TRPM3: variants seen among roughly 807,000 people sequenced by gnomAD.
TRPM3 encodes the protein long transient receptor potential channel 3.
A neutral mutation model predicts 181.2 loss-of-function variants in TRPM3; 77 were observed. The observed-to-expected ratio is 0.42, with a 90% CI of 0.35 to 0.51. TRPM3 has a LOEUF of 0.51. Ranked by LOEUF, TRPM3 falls within the 20% of genes least tolerant of loss-of-function variation. TRPM3 has a pLI of 0.01. For missense variants in TRPM3, 1,759 were observed against 2,196.7 expected (o/e 0.80, Z 3.98); for synonymous variants, 745 against 796.4 (o/e 0.94, Z 1.09).
At chr9:70,564,032 G>C (rs533533970) in intron 22 of TRPM3, among the ~76,000 whole-genome samples, 2 of 152,246 alleles carry the variant, frequency 1.3e-5, no homozygotes, top group East Asian at 3.9e-4. Flanking sequence ...ACTTCAGAAG[G>C]AATCAGTTTC....
intron 1 of TRPM3, among the ~76,000 whole-genome samples, chr9:71,128,995 G>A (rs1355882745): frequency 6.6e-6 from 1 of 152,182 alleles, no homozygotes; most frequent in African/African-American, 2.4e-5. Context: ...TGGACCATAA[G>A]GTCCGCTCAC....
chr9:71,346,337 G>A (rs2091292434), intron 1 of TRPM3, among the ~76,000 whole-genome samples: 1 of 152,254 alleles, frequency 6.6e-6, no homozygotes, highest in East Asian at 1.9e-4. Context: ...TTCTTGTTAT[G>A]CTCATTTTTA....
At chr9:70,624,080 C>T (rs11142514) in intron 14 of TRPM3, among the ~76,000 whole-genome samples, 1 of 152,020 alleles carries the variant, frequency 6.6e-6, no homozygotes, top group Non-Finnish European at 1.5e-5. Flanking sequence ...GTACTCCCCC[C>T]ACCTCCACCA....
At position 70,639,867 on chromosome 9, in the gene TRPM3, AG is replaced by A. The variant is rs527272642; in HGVS notation, c.1447-674del. Among the ~76,000 whole-genome samples, 53 of 152,266 alleles carry A rather than the reference AG, an allele frequency of 3.5e-4. 2 individuals carry two copies. In the South Asian group the frequency reaches 0.011, roughly 30 times the overall value. ...TGAATGAAGACAGGGGCTCCATCCC[AG>A]GCAGAAACTCTCTAGGGGAAAGGAA... On this transcript the variant is annotated intron_variant, in intron 10 of 25. Transcript: ENST00000677713.
At chr9:70,695,894 T>C (rs934465320) in intron 8 of TRPM3, among the ~76,000 whole-genome samples, 1 of 152,200 alleles carries the variant, frequency 6.6e-6, no homozygotes, top group Non-Finnish European at 1.5e-5. Context: ...CCAGACAGCC[T>C]GGCTTGAAGG....
In TRPM3 at chr9:71,086,979, T is replaced by C. The variant is rs540891708; in HGVS notation, c.177+34199A>G. On this transcript the variant is annotated intron_variant, in intron 1 of 25. Coordinates refer to ENST00000677713, the MANE Select transcript of TRPM3 (RefSeq NM_001366145.2). ...AATTATGCCTGAGCATTTTATTTCCTTATGAAACTACCGAATTTCCTGCTG... is the reference window on the plus strand; with the variant it reads ...AATTATGCCTGAGCATTTTATTTCCCTATGAAACTACCGAATTTCCTGCTG... Among the ~76,000 whole-genome samples, 10 of 152,116 alleles carry C rather than the reference T, an allele frequency of 6.6e-5. No homozygotes were observed. The East Asian group carries it at 1.9e-3, about 29-fold the overall frequency.
chr9:71,295,838 C>CAAAAA (rs11383819), intron 1 of TRPM3, among the ~76,000 whole-genome samples: 1 of 86,670 alleles, frequency 1.2e-5, no homozygotes, highest in Non-Finnish European at 2.2e-5. Flanking sequence ...GATCCCGTCT[C>CAAAAA]AAAAAAAAAA....
chr9:71,268,326 G>A (rs1296782247), intron 1 of TRPM3, among the ~76,000 whole-genome samples: 1 of 152,138 alleles, frequency 6.6e-6, no homozygotes, highest in Non-Finnish European at 1.5e-5. Context: ...GTTGCAGTGA[G>A]CCGTGATCAC....
chr9:70,547,535 C>CAAAAAA (rs58051483), intron 25 of TRPM3, among the ~76,000 whole-genome samples: 1 of 119,340 alleles, frequency 8.4e-6, no homozygotes, highest in Non-Finnish European at 1.8e-5. Context: ...CTTACAAATG[C>CAAAAAA]AAAAAAAAAA....
At chr9:70,691,618 C>T (rs1292097132) in intron 8 of TRPM3, among the ~76,000 whole-genome samples, 1 of 152,158 alleles carries the variant, frequency 6.6e-6, no homozygotes, top group Non-Finnish European at 1.5e-5. Flanking sequence ...TTATTCCTCC[C>T]ACCGTCATTT....
At chr9:70,635,058 CAT>C (rs1199767194) in intron 12 of TRPM3, among the ~76,000 whole-genome samples, 151 bp downstream of exon 12, 2 of 111,232 alleles carry the variant, frequency 1.8e-5, no homozygotes, top group African/African-American at 9.3e-5. Flanking sequence ...TTAAAAGACA[CAT>C]ACACACACAC....
rs57929544 is a variant in TRPM3 at position 70,668,672 on chromosome 9, G to GAAAAAAAAAAAAAAAAAAAA, written c.1345+12814_1345+12833dup. ...AGAGCGAGACTCCGTCTCAAAAAAA[G>GAAAAAAAAAAAAAAAAAAAA]AAAAAAAAAAAAAAAAAAAAAAAAA... On this transcript the variant is annotated intron_variant, in intron 9 of 25. Coordinates refer to ENST00000677713, the MANE Select transcript of TRPM3 (RefSeq NM_001366145.2). 2.3e-5 allele frequency among the ~76,000 whole-genome samples: 2 copies of GAAAAAAAAAAAAAAAAAAAA among 86,512 alleles called. 1 individual carries two copies. Among genetic ancestry groups the GAAAAAAAAAAAAAAAAAAAA allele is most frequent in the African/African-American group, 8.7e-5 (2 of 22,882 alleles). The allele number at this position is 86,512 out of a possible 152,430, so 56.8% of individuals were successfully genotyped here.
chr9:71,043,395 C>T (rs1436392126), intron 1 of TRPM3, among the ~76,000 whole-genome samples: 1 of 152,122 alleles, frequency 6.6e-6, no homozygotes, highest in African/African-American at 2.4e-5. Flanking sequence ...GCTACCAGAG[C>T]AAGTAGCAAG....
intron 1 of TRPM3, among the ~76,000 whole-genome samples, chr9:71,367,554 CA>C (rs1396173419): frequency 2.0e-5 from 3 of 151,994 alleles, no homozygotes; most frequent in Admixed American, 6.6e-5. Flanking sequence ...TACATGAGGA[CA>C]AAAAAGATCT....
In TRPM3 at chr9:71,168,567, TA is replaced by T. The variant is rs1565298067; in HGVS notation, c.183+278085del. Among the ~76,000 whole-genome samples the T allele has an allele frequency of 2.4e-4, 26 of 110,186 alleles. No homozygotes were observed. The South Asian group carries it at 4.1e-3, about 17-fold the overall frequency. The allele number at this position is 110,186 out of a possible 152,430, so 72.3% of individuals were successfully genotyped here. On this transcript the variant is annotated intron_variant, in intron 1 of 24. Transcript: ENST00000357533. The stretch of plus-strand genomic sequence containing the variant: ...TTATTTATTTATTTATTTATTTATT[TA>T]TTTATTTTTGTTTTTTATTTTTTTA...
intron 1 of TRPM3, among the ~76,000 whole-genome samples, chr9:71,060,204 G>A (rs2061153297): frequency 6.6e-6 from 1 of 152,054 alleles, no homozygotes; most frequent in African/African-American, 2.4e-5. Flanking sequence ...ACCTCCCAGG[G>A]ACCAGCTTTC....
At chr9:70,787,653 AAT>A (rs1229695846) in intron 6 of TRPM3, among the ~76,000 whole-genome samples, 1 of 151,990 alleles carries the variant, frequency 6.6e-6, no homozygotes, top group Non-Finnish European at 1.5e-5. Flanking sequence ...CTATTCTTAG[AAT>A]ATGTTTGTGA....
chr9:70,975,510 C>T (rs1329999832), intron 1 of TRPM3, among the ~76,000 whole-genome samples: 2 of 152,150 alleles, frequency 1.3e-5, no homozygotes, highest in African/African-American at 4.8e-5. Flanking sequence ...GTACAGTTAC[C>T]TAACACTCTG....
exon 1 of TRPM3, chr9:71,446,826 T>C: frequency 6.5e-7 from 1 of 1,546,008 alleles, no homozygotes; most frequent in East Asian, 2.5e-5. Context: ...TCCCTCCACT[T>C]CTTCCCCATG....
Sources: allele counts gnomAD v4.1 joint callset (sites outside exome capture counted in the v4.1 genomes callset), GRCh38; gene constraint gnomAD v4.1.1; transcripts MANE v1.5; gene names NCBI Gene and HGNC (gene_info 2026-07-23, HGNC 2026-07-21).